The following AGBL4 variants were observed in gnomAD, a reference collection of about 807,000 sequenced individuals.
The protein encoded by AGBL4 is AGBL carboxypeptidase 4.
AGBL4 carries 58 observed loss-of-function variants against 66.4 expected under a neutral mutation model. That is an observed-to-expected ratio of 0.87 (90% CI 0.71 to 1.09). The LOEUF (loss-of-function observed/expected upper bound fraction) is 1.09. AGBL4 is among the 50% of genes least tolerant of loss of function. The pLI, the probability that AGBL4 is intolerant of heterozygous loss-of-function variation, is 0.00. For missense variants in AGBL4, 579 were observed against 631.0 expected, an observed-to-expected ratio of 0.92 and a Z score of 0.88; for synonymous variants, 234 against 222.9, an observed-to-expected ratio of 1.05 and a Z score of -0.44.
chr1:49,253,195 T>C (rs1057356376), intron 3 of AGBL4, among the ~76,000 whole-genome samples: 13 of 151,570 alleles, frequency 8.6e-5, no homozygotes, highest in African/African-American at 3.2e-4. Flanking sequence ...AGGCTCAAAA[T>C]AAAGAAATGG....
chr1:49,465,550 A>G (rs1646613049), intron 3 of AGBL4, among the ~76,000 whole-genome samples: 1 of 151,838 alleles, frequency 6.6e-6, no homozygotes, highest in Non-Finnish European at 1.5e-5. Context: ...TTAGGCACAG[A>G]GATTGCTCCT....
chr1:49,606,221 A>G (rs1645060815), intron 3 of AGBL4, among the ~76,000 whole-genome samples: 2 of 152,120 alleles, frequency 1.3e-5, no homozygotes, highest in Non-Finnish European at 2.9e-5. Flanking sequence ...CTCCAAAATC[A>G]ATACCATATT....
At chr1:48,842,469 C>T (rs1276797304) in intron 6 of AGBL4, among the ~76,000 whole-genome samples, 1 of 152,112 alleles carries the variant, frequency 6.6e-6, no homozygotes, top group African/African-American at 2.4e-5. Flanking sequence ...CTTAAGTCTT[C>T]CCATGGATTA....
intron 3 of AGBL4, among the ~76,000 whole-genome samples, chr1:49,486,043 G>C (rs1029897958): frequency 2.0e-5 from 3 of 151,940 alleles, no homozygotes; most frequent in African/African-American, 7.2e-5. Flanking sequence ...CTGATGTGAA[G>C]ATGCTATTAG....
intron 3 of AGBL4, among the ~76,000 whole-genome samples, chr1:49,269,594 T>C (rs1255652030): frequency 6.6e-6 from 1 of 152,152 alleles, no homozygotes; most frequent in African/African-American, 2.4e-5. Context: ...TTCATTTACA[T>C]AAAAGACCAT....
At position 49,311,199 on chromosome 1, in the gene AGBL4, G is replaced by A. The variant is rs149361637; in HGVS notation, c.283-65335C>T. Among the ~76,000 whole-genome samples, 402 of 152,104 alleles carry A rather than the reference G, an allele frequency of 2.6e-3. 1 individual carries two copies. Among genetic ancestry groups the A allele is most frequent in the African/African-American group, 9.2e-3 (381 of 41,550 alleles). On this transcript the variant is annotated intron_variant, in intron 3 of 13. Coordinates refer to ENST00000371839, the MANE Select transcript of AGBL4 (RefSeq NM_032785.4). The stretch of plus-strand genomic sequence containing the variant: ...ATTTTTGTCTGTTCCTCAAATGGTT[G>A]TTTCATTTATCTTATCAGTAAATTG...
intron 2 of AGBL4, among the ~76,000 whole-genome samples, chr1:49,773,306 A>T (rs1382033331): frequency 1.3e-5 from 2 of 151,782 alleles, no homozygotes; most frequent in African/African-American, 4.8e-5. Context: ...TTTCTTTAGG[A>T]CCTGTTACTG....
chr1:48,727,218 A>G (rs1165029180), intron 6 of AGBL4, among the ~76,000 whole-genome samples: 3 of 152,224 alleles, frequency 2.0e-5, no homozygotes, highest in African/African-American at 7.2e-5. Context: ...CTCATCTAAC[A>G]TTATCACCCC....
chr1:48,887,703 C>T (rs950304010), intron 5 of AGBL4, among the ~76,000 whole-genome samples: 6 of 152,086 alleles, frequency 3.9e-5, no homozygotes, highest in Admixed American at 2.0e-4. Flanking sequence ...TTTCAAGATC[C>T]GAGCAAGCAG....
intron 3 of AGBL4, among the ~76,000 whole-genome samples, chr1:49,694,089 T>C (rs1436028570): frequency 6.6e-6 from 1 of 152,184 alleles, no homozygotes; most frequent in Non-Finnish European, 1.5e-5. Context: ...ATATATTTGA[T>C]GCTGCAATTT....
At chr1:49,083,806 G>A (rs1644849806) in intron 4 of AGBL4, among the ~76,000 whole-genome samples, 1 of 152,138 alleles carries the variant, frequency 6.6e-6, no homozygotes, top group Admixed American at 6.5e-5. Flanking sequence ...TTAAACATAA[G>A]CTCCAATCCA....
intron 3 of AGBL4, among the ~76,000 whole-genome samples, chr1:49,565,139 T>C (rs1644161353): frequency 6.6e-6 from 1 of 152,224 alleles, no homozygotes; most frequent in African/African-American, 2.4e-5. Flanking sequence ...CCTGCCTTTT[T>C]TTGTTTTCCA....
chr1:49,938,862 CA>C (rs1299333691), intron 1 of AGBL4, among the ~76,000 whole-genome samples: 1 of 152,008 alleles, frequency 6.6e-6, no homozygotes, highest in Non-Finnish European at 1.5e-5. Context: ...GGCAATTAGG[CA>C]GGAGAAGGAA....
chr1:49,261,735 C>T (rs1357272040), intron 3 of AGBL4, among the ~76,000 whole-genome samples: 4 of 148,426 alleles, frequency 2.7e-5, no homozygotes, highest in East Asian at 2.0e-4. Context: ...CCATACTGCC[C>T]AAGGTAATTT....
At chr1:49,169,337 A>G (rs530846596) in intron 4 of AGBL4, among the ~76,000 whole-genome samples, 2 of 152,288 alleles carry the variant, frequency 1.3e-5, no homozygotes, top group South Asian at 4.1e-4. Context: ...CCTGATCTGT[A>G]TAACAACTGG....
intron 1 of AGBL4, among the ~76,000 whole-genome samples, chr1:50,006,789 T>C (rs1661163061): frequency 6.6e-6 from 1 of 152,128 alleles, no homozygotes; most frequent in South Asian, 2.1e-4. Flanking sequence ...AGGGATTTCA[T>C]CAACACTGGA....
intron 3 of AGBL4, among the ~76,000 whole-genome samples, chr1:49,481,667 T>C (rs1281323978): frequency 1.3e-5 from 2 of 151,952 alleles, no homozygotes; most frequent in Non-Finnish European, 2.9e-5. Context: ...CTTTGTTGAA[T>C]AGGAGTGGTG....
chr1:48,964,802 A>G (rs1053952237), intron 5 of AGBL4, among the ~76,000 whole-genome samples: 3 of 152,184 alleles, frequency 2.0e-5, no homozygotes, highest in Admixed American at 1.3e-4. Context: ...GCACCAAAAT[A>G]GGCATTTTGT....
intron 3 of AGBL4, among the ~76,000 whole-genome samples, chr1:49,606,375 T>C (rs1645063835): frequency 6.6e-6 from 1 of 152,156 alleles, no homozygotes; most frequent in African/African-American, 2.4e-5. Flanking sequence ...TAGATTTCAC[T>C]GTGGATAAGT....
Sources: allele counts gnomAD v4.1 joint callset (sites outside exome capture counted in the v4.1 genomes callset), GRCh38; gene constraint gnomAD v4.1.1; transcripts MANE v1.5; gene names NCBI Gene and HGNC (gene_info 2026-07-23, HGNC 2026-07-21).